The following STEAP1B variants were observed in gnomAD, a reference collection of about 807,000 sequenced individuals.
STEAP1B encodes STEAP family member 1B, also known as STEAP family protein MGC87042.
Under a neutral mutation model 27.9 loss-of-function variants are expected in STEAP1B, and 13 were observed. The observed-to-expected ratio is 0.47, with a 90% CI of 0.30 to 0.74. STEAP1B has a LOEUF of 0.74. Among genes scored for constraint, STEAP1B ranks in the 30% least tolerant of loss-of-function variants. The pLI, the probability that STEAP1B is intolerant of heterozygous loss-of-function variation, is 0.06. For synonymous variants in STEAP1B, 86 were observed against 107.1 expected, an observed-to-expected ratio of 0.80 and a Z score of 1.22; for missense variants, 250 against 298.7, an observed-to-expected ratio of 0.84 and a Z score of 1.20.
At chr7:22,482,543 G>A in intron 4 of STEAP1B, among the ~76,000 whole-genome samples, 1 of 152,196 alleles carries the variant, frequency 6.6e-6, no homozygotes, top group East Asian at 1.9e-4. Context: ...GCATTGTACA[G>A]TGCACCATAG....
intron 4 of STEAP1B, among the ~76,000 whole-genome samples, chr7:22,484,137 C>T (rs1249484080): frequency 6.6e-6 from 1 of 152,194 alleles, no homozygotes; most frequent in African/African-American, 2.4e-5. Context: ...GTGAGTTACT[C>T]AGAATATCTA....
chr7:22,461,855 T>C (rs937728901), intron 4 of STEAP1B, among the ~76,000 whole-genome samples: 1 of 152,226 alleles, frequency 6.6e-6, no homozygotes, highest in Non-Finnish European at 1.5e-5. Context: ...GTTAAGTCGT[T>C]GGAACCTCAG....
chr7:22,471,415 C>A (rs1562578927), intron 4 of STEAP1B, among the ~76,000 whole-genome samples: 1 of 152,188 alleles, frequency 6.6e-6, no homozygotes, highest in East Asian at 1.9e-4. Flanking sequence ...TAAAAACCAT[C>A]TGCTGCCATC....
intron 4 of STEAP1B, among the ~76,000 whole-genome samples, chr7:22,451,201 A>T (rs1379815595): frequency 1.3e-5 from 2 of 152,186 alleles, no homozygotes; most frequent in Non-Finnish European, 2.9e-5. Flanking sequence ...TCAAAAAAAA[A>T]AAAGAAAAGA....
At chr7:22,491,277 T>A (rs149665733) in intron 4 of STEAP1B, among the ~76,000 whole-genome samples, 1,662 of 152,346 alleles carry the variant, frequency 0.011, 27 homozygotes, top group African/African-American at 0.038. Flanking sequence ...TCCAGATATA[T>A]AATAAATGTT....
intron 4 of STEAP1B, among the ~76,000 whole-genome samples, chr7:22,454,474 C>T (rs1785540052): frequency 6.6e-6 from 1 of 152,026 alleles, no homozygotes; most frequent in Non-Finnish European, 1.5e-5. Context: ...ATTGTTGTAC[C>T]TGAGACACTT....
intron 4 of STEAP1B, among the ~76,000 whole-genome samples, chr7:22,487,571 C>CG (rs56294985): frequency 0.13 from 18,962 of 147,840 alleles, 1,467 homozygotes; most frequent in East Asian, 0.25. Flanking sequence ...ATGGCGGGGG[C>CG]GGGGGGGTGC....
At chr7:22,463,872 T>A (rs995554641) in intron 4 of STEAP1B, among the ~76,000 whole-genome samples, 1 of 151,196 alleles carries the variant, frequency 6.6e-6, no homozygotes, top group African/African-American at 2.4e-5. Context: ...AACCTAGGCA[T>A]TACCATTCAG....
At chr7:22,491,242 A>G (rs888757908) in intron 4 of STEAP1B, among the ~76,000 whole-genome samples, 6 of 152,224 alleles carry the variant, frequency 3.9e-5, no homozygotes, top group African/African-American at 4.8e-5. Flanking sequence ...AGTGACACTA[A>G]TATCTATATT....
At chr7:22,440,027 C>A (rs1028226065) in intron 4 of STEAP1B, among the ~76,000 whole-genome samples, 24 of 152,202 alleles carry the variant, frequency 1.6e-4, no homozygotes, top group African/African-American at 5.3e-4. Context: ...TGAAATAATT[C>A]TTTAAATGTT....
At chr7:22,428,709 A>G (rs1940400677) in intron 4 of STEAP1B, among the ~76,000 whole-genome samples, 1 of 152,144 alleles carries the variant, frequency 6.6e-6, no homozygotes, top group South Asian at 2.1e-4. Context: ...AGGCTGAGGC[A>G]GGAGAATCAC....
chr7:22,451,296 T>C (rs1293832963), intron 4 of STEAP1B, among the ~76,000 whole-genome samples: 1 of 75,550 alleles, frequency 1.3e-5, no homozygotes, highest in Non-Finnish European at 2.6e-5. Context: ...TCAGTTTTAA[T>C]AGTTTTTTTT....
At chr7:22,450,336 T>C (rs1386620139) in intron 4 of STEAP1B, among the ~76,000 whole-genome samples, 1 of 152,228 alleles carries the variant, frequency 6.6e-6, no homozygotes, top group Non-Finnish European at 1.5e-5. Context: ...TAATCCATTT[T>C]GATTTGAGTT....
chr7:22,449,277 C>T lies in STEAP1B; in HGVS notation c.763-29441G>A, dbSNP rs184768892. 3.2e-3 allele frequency among the ~76,000 whole-genome samples: 480 copies of T among 152,330 alleles called. 1 individual carries two copies. The highest frequency in any genetic ancestry group is 0.017 in the Middle Eastern group (5 of 294). ...TGTACCCATTAACCATCCCCACCCC[C>T]TGATCTCCATCCCAAACACTACCCT... On this transcript the variant is annotated intron_variant, in intron 4 of 4. Coordinates refer to ENST00000678116, the MANE Select transcript of STEAP1B (RefSeq NM_001382447.1).
In STEAP1B at chr7:22,443,998, T is replaced by C. The variant is rs950564540; in HGVS notation, c.763-24162A>G. On this transcript the variant is annotated intron_variant, in intron 4 of 4. Coordinates refer to ENST00000678116, the MANE Select transcript of STEAP1B (RefSeq NM_001382447.1). ...GTCCCACTGCCCTGGTTTCTCCACA[T>C]CTGTGTGATATAAGGAAGCCAGAGA... Among the ~76,000 whole-genome samples, 13 of 152,282 alleles carry C rather than the reference T, an allele frequency of 8.5e-5. No homozygotes were observed. The East Asian group carries it at 2.1e-3, about 25-fold the overall frequency.
At chr7:22,491,235 G>A (rs1233641457) in intron 4 of STEAP1B, among the ~76,000 whole-genome samples, 1 of 152,124 alleles carries the variant, frequency 6.6e-6, no homozygotes, top group Non-Finnish European at 1.5e-5. Context: ...ATAGTATAGT[G>A]ACACTAATAT....
chr7:22,484,820 A>C (rs10268967), intron 4 of STEAP1B, among the ~76,000 whole-genome samples: 13,873 of 152,260 alleles, frequency 0.091, 768 homozygotes, highest in Non-Finnish European at 0.13. Context: ...CATTCATAGG[A>C]GTTTAGAAGA....
chr7:22,476,331 G>A (rs1017205432), intron 4 of STEAP1B, among the ~76,000 whole-genome samples: 4 of 152,130 alleles, frequency 2.6e-5, no homozygotes, highest in African/African-American at 7.2e-5. Context: ...CAAGACATAG[G>A]GTCTATTAGC....
intron 4 of STEAP1B, among the ~76,000 whole-genome samples, chr7:22,446,100 G>GGA (rs1785405837): frequency 6.6e-6 from 1 of 152,226 alleles, no homozygotes. Context: ...TGCAGTTGTC[G>GGA]TTCAAAATGT....
Sources: gnomAD v4.1 joint callset for allele counts (sites outside exome capture counted in the v4.1 genomes callset) on GRCh38, gnomAD v4.1.1 for gene constraint, MANE v1.5 for transcripts, NCBI Gene and HGNC (gene_info 2026-07-23, HGNC 2026-07-21) for gene names.